GDAP1L1: variants seen among roughly 807,000 people sequenced by gnomAD.
The protein encoded by GDAP1L1 is ganglioside-induced differentiation-associated protein 1-like 1.
In GDAP1L1, 21 loss-of-function variants were observed where a neutral mutation model predicts 37.1. The observed-to-expected ratio is 0.57, with a 90% CI of 0.40 to 0.81. GDAP1L1 has a LOEUF of 0.81. Among genes scored for constraint, GDAP1L1 ranks in the 40% least tolerant of loss-of-function variants. GDAP1L1 has a pLI of 0.00. For synonymous variants in GDAP1L1, 193 were observed against 209.1 expected (o/e 0.92, Z 0.67); for missense variants, 362 against 491.6 (o/e 0.74, Z 2.49).
At chr20:44,261,692 T>C (rs755348612) in intron 3 of GDAP1L1, among the ~76,000 whole-genome samples, 5 of 152,204 alleles carry the variant, frequency 3.3e-5, no homozygotes, top group Non-Finnish European at 5.9e-5. Flanking sequence ...GCTCTTTTCA[T>C]ATAGACAGCA....
intron 5 of GDAP1L1, among the ~76,000 whole-genome samples, chr20:44,276,307 C>G (rs1311644581): frequency 6.8e-6 from 1 of 146,964 alleles, no homozygotes; most frequent in Admixed American, 7.1e-5. Context: ...TGCACTGCAG[C>G]CTGGGTGACA....
At chr20:44,265,526 G>C (rs2073748139) in intron 5 of GDAP1L1, 9 of 968,858 alleles carry the variant, frequency 9.3e-6, no homozygotes, top group African/African-American at 1.8e-5. Context: ...TGGGGTTAGA[G>C]TAAGAAAAAC....
At chr20:44,277,090 T>G (rs967586670) in intron 5 of GDAP1L1, among the ~76,000 whole-genome samples, 21 of 152,184 alleles carry the variant, frequency 1.4e-4, no homozygotes, top group East Asian at 3.9e-4. Context: ...AGTGGCACAA[T>G]CTTGGCTCAC....
At chr20:44,271,307 G>A (rs770797980) in intron 5 of GDAP1L1, among the ~76,000 whole-genome samples, 5 of 152,178 alleles carry the variant, frequency 3.3e-5, no homozygotes, top group Admixed American at 1.3e-4. Context: ...CACACTAAGC[G>A]GGTATCAGCG....
intron 1 of GDAP1L1, among the ~76,000 whole-genome samples, chr20:44,251,784 G>A (rs997986006): frequency 1.4e-4 from 21 of 152,166 alleles, no homozygotes; most frequent in African/African-American, 4.3e-4. Context: ...AAGCTTATGG[G>A]CCCTTCTCAG....
At chr20:44,264,687 T>C (rs372727750) in intron 5 of GDAP1L1, 128 bp downstream of exon 5, 5 of 1,496,264 alleles carry the variant, frequency 3.3e-6, no homozygotes, top group East Asian at 5.4e-5. Flanking sequence ...GGATGGGCTA[T>C]GGAGTCAGAC....
intron 5 of GDAP1L1, among the ~76,000 whole-genome samples, chr20:44,268,663 A>G (rs2062480830): frequency 6.6e-6 from 1 of 152,230 alleles, no homozygotes. Context: ...TGAGACCTGA[A>G]GGATGAGAAG....
chr20:44,264,565 T>A lies in GDAP1L1; in HGVS notation c.760+6T>A. The A allele has an allele frequency of 6.2e-7, 1 of 1,610,042 alleles. No homozygotes were observed. The highest frequency in any genetic ancestry group is 8.5e-7 in the Non-Finnish European group (1 of 1,177,716). ...GAGGAAGCTGGAGAACGAGGGTGGGTGCCAGCCCTGGGGGAGGTGGGGGCT... is the reference window on the plus strand; with the variant it reads ...GAGGAAGCTGGAGAACGAGGGTGGGAGCCAGCCCTGGGGGAGGTGGGGGCT... On this transcript the variant is annotated splice_donor_region_variant and intron_variant, in intron 5 of 5. Coordinates refer to ENST00000342560, the MANE Select transcript of GDAP1L1 (RefSeq NM_024034.6).
In GDAP1L1 at chr20:44,272,001, A is replaced by G. The variant is rs2062521350; in HGVS notation, c.761-6956A>G. Among the ~76,000 whole-genome samples, 3 of 152,326 alleles carry G rather than the reference A, an allele frequency of 2.0e-5. No individual in the cohort carries two copies. In the South Asian group the frequency reaches 6.2e-4, roughly 32 times the overall value. ...ACAGAGGTGGTCACTGCCAGCCGTG[A>G]TGACTCGCAGAGAGGAGCTGAGGGA... On this transcript the variant is annotated intron_variant, in intron 5 of 5. Transcript: ENST00000342560.
chr20:44,251,113 C>A (rs2073433223), intron 1 of GDAP1L1, among the ~76,000 whole-genome samples: 1 of 152,166 alleles, frequency 6.6e-6, no homozygotes, highest in Non-Finnish European at 1.5e-5. Flanking sequence ...AATCTCTGTG[C>A]CTGCTTCCTT....
At chr20:44,275,676 G>A (rs746238572) in intron 5 of GDAP1L1, among the ~76,000 whole-genome samples, 2 of 152,152 alleles carry the variant, frequency 1.3e-5, no homozygotes, top group South Asian at 2.1e-4. Flanking sequence ...AGGGCTTAAC[G>A]TCTAGGCACA....
intron 3 of GDAP1L1, among the ~76,000 whole-genome samples, chr20:44,262,884 T>A (rs1477971902): frequency 2.0e-5 from 3 of 146,750 alleles, no homozygotes; most frequent in Non-Finnish European, 4.5e-5. Flanking sequence ...CCTGGCTAAC[T>A]TTTTTTTTTT....
chr20:44,258,290 CCT>C, intron 2 of GDAP1L1, 142 bp from the exon 3 acceptor site: 1 of 811,888 alleles, frequency 1.2e-6, no homozygotes, highest in Middle Eastern at 2.2e-4. Flanking sequence ...ACTAGAATCC[CCT>C]GTCCGCCAGC....
chr20:44,263,169 C>G (rs2293), intron 3 of GDAP1L1, 61 bp from the exon 4 acceptor site: 328,120 of 1,268,272 alleles, frequency 0.26, 50,310 homozygotes, highest in Admixed American at 0.51. Context: ...TTGTGTAAGG[C>G]AGGTGATGGG....
intron 3 of GDAP1L1, among the ~76,000 whole-genome samples, chr20:44,258,932 C>T (rs1057018781): frequency 2.0e-5 from 3 of 151,796 alleles, no homozygotes; most frequent in Non-Finnish European, 4.4e-5. Flanking sequence ...CAGTCTCGCT[C>T]CCATCCCCCT....
intron 2 of GDAP1L1, 34 bp downstream of exon 2, chr20:44,257,379 A>C: frequency 6.3e-7 from 1 of 1,589,348 alleles, no homozygotes; most frequent in Non-Finnish European, 8.6e-7. Context: ...GGCCCACTCC[A>C]TACCACAGAT....
intron 3 of GDAP1L1, among the ~76,000 whole-genome samples, chr20:44,259,034 G>T (rs997372056): frequency 6.6e-6 from 1 of 150,910 alleles, no homozygotes; most frequent in Non-Finnish European, 1.5e-5. Flanking sequence ...ACGAGTTTCA[G>T]CCTTAGACAG....
intron 5 of GDAP1L1, among the ~76,000 whole-genome samples, chr20:44,272,291 C>T (rs572216175): frequency 1.3e-5 from 2 of 152,290 alleles, no homozygotes; most frequent in South Asian, 4.1e-4. Flanking sequence ...TCCGCATCAG[C>T]AGTATGGAGC....
In GDAP1L1 at chr20:44,257,363, C is replaced by T; in HGVS notation, c.373+18C>T. 6.2e-7 allele frequency: 1 copy of T among 1,604,414 alleles called. No individual in the cohort carries two copies. Among genetic ancestry groups the T allele is most frequent in the Non-Finnish European group, 8.5e-7 (1 of 1,173,768 alleles). Reference sequence around the variant, plus strand: ...CACAGGAGGTACGGCTGCCTCCCCACCCAGGGGCCCACTCCATACCACAGA... The same window carrying T: ...CACAGGAGGTACGGCTGCCTCCCCATCCAGGGGCCCACTCCATACCACAGA... On this transcript the variant is annotated intron_variant, in intron 2 of 5. Transcript: ENST00000342560.
Sources: allele counts gnomAD v4.1 joint callset (sites outside exome capture counted in the v4.1 genomes callset), GRCh38; gene constraint gnomAD v4.1.1; transcripts MANE v1.5; gene names NCBI Gene and HGNC (gene_info 2026-07-23, HGNC 2026-07-21).